Variants in SOX5 observed in about 807,000 individuals in gnomAD.
SOX5 encodes the protein SRY-box transcription factor 5.
Under a neutral mutation model 92.0 loss-of-function variants are expected in SOX5, and 9 were observed. The ratio of observed to expected loss-of-function variants is 0.10; its 90% CI spans 0.06 to 0.17. The LOEUF is 0.17. Among genes scored for constraint, SOX5 ranks in the 10% least tolerant of loss-of-function variants. SOX5 has a pLI of 1.00. For synonymous variants in SOX5, 344 were observed against 336.3 expected, an observed-to-expected ratio of 1.02 and a Z score of -0.25; for missense variants, 642 against 944.5, an observed-to-expected ratio of 0.68 and a Z score of 4.20.
intron 4 of SOX5, among the ~76,000 whole-genome samples, chr12:24,028,178 C>A (rs187024640): frequency 6.6e-6 from 1 of 152,026 alleles, no homozygotes; most frequent in Non-Finnish European, 1.5e-5. Flanking sequence ...GTAGCAGTCA[C>A]CAACACTTTT....
chr12:24,373,655 C>T (rs1279871834), intron 1 of SOX5, among the ~76,000 whole-genome samples: 1 of 151,974 alleles, frequency 6.6e-6, no homozygotes, highest in East Asian at 1.9e-4. Context: ...TAGCTATGCA[C>T]ACAAACACAG....
chr12:23,777,268 T>C (rs2095133494), intron 3 of SOX5, among the ~76,000 whole-genome samples: 1 of 152,124 alleles, frequency 6.6e-6, no homozygotes, highest in East Asian at 1.9e-4. Flanking sequence ...AATGATAAAT[T>C]TGCATTATCT....
chr12:23,554,963 T>C (rs1944877694), intron 11 of SOX5, among the ~76,000 whole-genome samples: 1 of 151,990 alleles, frequency 6.6e-6, no homozygotes, highest in Non-Finnish European at 1.5e-5. Context: ...AAGGAAAGAA[T>C]CAAGGGGGAA....
At chr12:24,210,710 A>T (rs370363322) in intron 4 of SOX5, among the ~76,000 whole-genome samples, 10 of 152,308 alleles carry the variant, frequency 6.6e-5, no homozygotes, top group African/African-American at 2.4e-4. Context: ...CGTAATTCAA[A>T]CTCAAGAGAA....
intron 3 of SOX5, among the ~76,000 whole-genome samples, chr12:24,229,116 G>T (rs1463441247): frequency 6.6e-6 from 1 of 152,186 alleles, no homozygotes; most frequent in Non-Finnish European, 1.5e-5. Context: ...TGACCGCTTG[G>T]GTTGTGGATG....
chr12:23,791,001 C>G (rs574781983), intron 3 of SOX5, among the ~76,000 whole-genome samples: 1 of 152,154 alleles, frequency 6.6e-6, no homozygotes, highest in East Asian at 1.9e-4. Context: ...TCCAATGTCC[C>G]TCATCTCAGT....
intron 3 of SOX5, among the ~76,000 whole-genome samples, chr12:23,832,807 A>G (rs568540239): frequency 5.9e-5 from 9 of 151,692 alleles, no homozygotes; most frequent in African/African-American, 2.2e-4. Context: ...AAAAAAAAAA[A>G]CCCTTACTTT....
intron 6 of SOX5, among the ~76,000 whole-genome samples, chr12:23,717,145 G>A (rs561545934): frequency 1.3e-4 from 20 of 152,178 alleles, no homozygotes; most frequent in Non-Finnish European, 1.9e-4. Flanking sequence ...GACAATTGGA[G>A]TCATGTGTAA....
intron 6 of SOX5, among the ~76,000 whole-genome samples, chr12:23,688,350 C>T (rs1566983064): frequency 6.6e-6 from 1 of 152,032 alleles, no homozygotes; most frequent in Non-Finnish European, 1.5e-5. Context: ...TTCACTTAAT[C>T]AAATGGTTCT....
At chr12:23,967,654 T>C (rs1184987881) in intron 4 of SOX5, among the ~76,000 whole-genome samples, 1 of 152,132 alleles carries the variant, frequency 6.6e-6, no homozygotes, top group Non-Finnish European at 1.5e-5. Context: ...CAATAAAACA[T>C]TGTGAGATGA....
In SOX5 at chr12:23,543,663, C is replaced by T. The variant is rs373178267; in HGVS notation, c.1598-279G>A. ...ACTTTCAACAGCTCAAAATAAACTC[C>T]GATATGTGATTTTTGATGCAATTCG... On this transcript the variant is annotated intron_variant, in intron 12 of 14. Transcript: ENST00000451604. Among the ~76,000 whole-genome samples, 6 of 152,148 alleles carry T rather than the reference C, an allele frequency of 3.9e-5. No individual in the cohort carries two copies. The South Asian group carries it at 8.3e-4, about 21-fold the overall frequency.
At chr12:23,756,624 C>T (rs1309649700) in intron 3 of SOX5, among the ~76,000 whole-genome samples, 1 of 151,920 alleles carries the variant, frequency 6.6e-6, no homozygotes. Context: ...GCAGCATTCA[C>T]TTAGAAGATG....
chr12:23,547,233 G>A (rs117756517), intron 11 of SOX5, among the ~76,000 whole-genome samples: 1,735 of 152,176 alleles, frequency 0.011, 22 homozygotes, highest in Non-Finnish European at 0.018. Flanking sequence ...TTTAGGAACA[G>A]AAAAAGCATA....
At chr12:23,609,409 G>GTGATAA (rs2075681611) in intron 8 of SOX5, among the ~76,000 whole-genome samples, 1 of 152,132 alleles carries the variant, frequency 6.6e-6, no homozygotes, top group Admixed American at 6.6e-5. Flanking sequence ...ACATTTAACA[G>GTGATAA]TGATAATGCT....
At chr12:24,127,203 C>A in intron 4 of SOX5, among the ~76,000 whole-genome samples, 1 of 151,478 alleles carries the variant, frequency 6.6e-6, no homozygotes, top group South Asian at 2.1e-4. Context: ...CCAGCCTGGG[C>A]AACATGGCAA....
At chr12:24,074,280 A>T (rs930450429) in intron 4 of SOX5, among the ~76,000 whole-genome samples, 9 of 152,068 alleles carry the variant, frequency 5.9e-5, no homozygotes, top group Non-Finnish European at 1.0e-4. Context: ...TTTTCTCTAG[A>T]CCACAAATGA....
At chr12:24,559,665 C>T (rs1341917468) in intron 1 of SOX5, among the ~76,000 whole-genome samples, 1 of 151,932 alleles carries the variant, frequency 6.6e-6, no homozygotes, top group African/African-American at 2.4e-5. Context: ...AATTTAAATT[C>T]TCCTTATCAC....
At chr12:24,234,824 C>T (rs978919249) in intron 3 of SOX5, among the ~76,000 whole-genome samples, 1 of 152,090 alleles carries the variant, frequency 6.6e-6, no homozygotes, top group Non-Finnish European at 1.5e-5. Context: ...CCCAGGGGAC[C>T]TTTAGCAAAG....
intron 6 of SOX5, among the ~76,000 whole-genome samples, chr12:23,728,138 A>G (rs533660903): frequency 6.6e-6 from 1 of 152,304 alleles, no homozygotes; most frequent in Non-Finnish European, 1.5e-5. Flanking sequence ...CTCAAATGGA[A>G]GTTATGCATC....
Sources: allele counts gnomAD v4.1 joint callset (sites outside exome capture counted in the v4.1 genomes callset), GRCh38; gene constraint gnomAD v4.1.1; transcripts MANE v1.5; gene names NCBI Gene and HGNC (gene_info 2026-07-23, HGNC 2026-07-21).